Variants in PEX5L observed in about 807,000 individuals in gnomAD.
PEX5L encodes the protein peroxisomal biogenesis factor 5 like, also known as PEX5-related protein.
In PEX5L, 30 loss-of-function variants were observed where a neutral mutation model predicts 84.0. That is an observed-to-expected ratio of 0.36 (90% CI 0.27 to 0.48). The LOEUF (loss-of-function observed/expected upper bound fraction) is 0.48, where lower values mean the gene tolerates loss of function less well. Among genes scored for constraint, PEX5L ranks in the 20% least tolerant of loss-of-function variants. PEX5L has a pLI of 0.99. For synonymous variants in PEX5L, 270 were observed against 283.1 expected, an observed-to-expected ratio of 0.95 and a Z score of 0.46; for missense variants, 533 against 754.6, an observed-to-expected ratio of 0.71 and a Z score of 3.44.
At chr3:179,984,057 T>A (rs1437763870) in intron 1 of PEX5L, among the ~76,000 whole-genome samples, 1 of 152,042 alleles carries the variant, frequency 6.6e-6, no homozygotes, top group Non-Finnish European at 1.5e-5. Context: ...GTACCAAATT[T>A]ATTAATATGA....
rs995272835 is a variant in PEX5L, at chr3:179,871,499, T to C, written c.726+2828A>G. On this transcript the variant is annotated intron_variant, in intron 7 of 14. Transcript: ENST00000467460. ...GATTAAAAGACAAAATATTTATTTATGCTTCTAACAGTATATTGTTAAATC... is the reference window on the plus strand; with the variant it reads ...GATTAAAAGACAAAATATTTATTTACGCTTCTAACAGTATATTGTTAAATC... Among the ~76,000 whole-genome samples the C allele has an allele frequency of 2.6e-5, 4 of 152,362 alleles. No homozygotes were observed. In the East Asian group the frequency reaches 7.7e-4, roughly 29 times the overall value.
chr3:179,938,512 G>A (rs1245641428), intron 2 of PEX5L, among the ~76,000 whole-genome samples: 1 of 152,190 alleles, frequency 6.6e-6, no homozygotes, highest in Non-Finnish European at 1.5e-5. Context: ...GTGTGCAAGG[G>A]AAATAGCGTG....
At chr3:179,934,907 T>C (rs1289353270) in intron 2 of PEX5L, among the ~76,000 whole-genome samples, 1 of 152,218 alleles carries the variant, frequency 6.6e-6, no homozygotes, top group Admixed American at 6.5e-5. Context: ...ACTGTGTTTA[T>C]GTGCCTTCCT....
chr3:179,954,785 A>AT lies in PEX5L; in HGVS notation c.93+16808dup, dbSNP rs71182527. Among the ~76,000 whole-genome samples the AT allele has an allele frequency of 9.9e-4, 147 of 149,060 alleles. 1 individual carries two copies. Among genetic ancestry groups the AT allele is most frequent in the African/African-American group, 3.0e-3 (123 of 40,528 alleles). On this transcript the variant is annotated intron_variant, in intron 2 of 14. Transcript: ENST00000467460. ...TCTCAGCCCTTCTAAGCTTTGTTTT[A>AT]TTTTTTTTTTATTTTCATCATTCTG... is the stretch of plus-strand genomic sequence containing the variant.
chr3:179,962,752 T>C (rs1159524724), intron 2 of PEX5L, among the ~76,000 whole-genome samples: 1 of 152,194 alleles, frequency 6.6e-6, no homozygotes, highest in African/African-American at 2.4e-5. Context: ...TCTTTTCAAT[T>C]TCTCTACCAA....
chr3:180,004,953 T>G (rs551539237), intron 1 of PEX5L, among the ~76,000 whole-genome samples: 111 of 152,278 alleles, frequency 7.3e-4, no homozygotes, highest in Non-Finnish European at 1.2e-3. Flanking sequence ...TTTTTGTAAA[T>G]GTGGTGTCTA....
intron 1 of PEX5L, chr3:179,973,464 C>T (rs1262898859): frequency 9.0e-7 from 1 of 1,114,022 alleles, no homozygotes; most frequent in African/African-American, 1.6e-5. Flanking sequence ...AATTTTTATC[C>T]ATGCACTTCT....
rs533971002 is a variant in PEX5L, at chr3:179,855,856, G to C, written c.822+3206C>G. 2.6e-5 allele frequency among the ~76,000 whole-genome samples: 4 copies of C among 152,242 alleles called. No homozygotes were observed. The South Asian group carries it at 8.3e-4, about 32-fold the overall frequency. On this transcript the variant is annotated intron_variant, in intron 8 of 14. Transcript: ENST00000467460. The stretch of plus-strand genomic sequence containing the variant: ...CCAAATCTGTTGGCAACTTGATCTT[G>C]AGCTTTTCAGCCTCCAGAACTGTGA...
chr3:179,935,769 C>T (rs1774404591), intron 2 of PEX5L, among the ~76,000 whole-genome samples: 1 of 151,968 alleles, frequency 6.6e-6, no homozygotes, highest in Non-Finnish European at 1.5e-5. Flanking sequence ...TGGGAGGCAT[C>T]TGGACCATGG....
At position 179,956,096 on chromosome 3, in the gene PEX5L, C is replaced by T. The variant is rs73883427; in HGVS notation, c.93+15498G>A. Among the ~76,000 whole-genome samples, 863 of 152,172 alleles carry T rather than the reference C, an allele frequency of 5.7e-3. 6 individuals carry two copies. Among genetic ancestry groups the T allele is most frequent in the African/African-American group, 0.02 (826 of 41,520 alleles). Reference sequence around the variant, plus strand: ...TTTATAGTTTTCCTTAAGAAATTCTCCCAGAATTCTTGGGAGATAGAAGTA... The same window carrying T: ...TTTATAGTTTTCCTTAAGAAATTCTTCCAGAATTCTTGGGAGATAGAAGTA... On this transcript the variant is annotated intron_variant, in intron 2 of 14. Coordinates refer to ENST00000467460, the MANE Select transcript of PEX5L (RefSeq NM_016559.3).
chr3:180,002,306 C>T (rs1462711713), intron 1 of PEX5L, among the ~76,000 whole-genome samples: 2 of 152,024 alleles, frequency 1.3e-5, no homozygotes, highest in Admixed American at 6.6e-5. Flanking sequence ...AATTGTTTTA[C>T]GATGTTGCCA....
At chr3:179,986,534 C>G (rs1392194668) in intron 1 of PEX5L, among the ~76,000 whole-genome samples, 2 of 151,644 alleles carry the variant, frequency 1.3e-5, no homozygotes, top group Middle Eastern at 6.3e-3. Flanking sequence ...TCCCGAGTAG[C>G]TGGGACTACA....
chr3:179,902,580 C>A, intron 2 of PEX5L: 1 of 406,004 alleles, frequency 2.5e-6, no homozygotes, highest in South Asian at 1.8e-5. Flanking sequence ...TTCTGTAGAT[C>A]TTAGTAGGTT....
At chr3:179,817,951 G>A (rs1271722992) in intron 9 of PEX5L, among the ~76,000 whole-genome samples, 2 of 152,206 alleles carry the variant, frequency 1.3e-5, no homozygotes, top group Non-Finnish European at 2.9e-5. Flanking sequence ...ACTTAGCTAT[G>A]ATTTCCTTGT....
intron 2 of PEX5L, among the ~76,000 whole-genome samples, chr3:179,938,420 T>C (rs1481594472): frequency 6.6e-6 from 1 of 152,226 alleles, no homozygotes; most frequent in East Asian, 1.9e-4. Context: ...ATCTGGTTAC[T>C]CTGGAGATTT....
At chr3:180,007,168 G>A (rs1182526335) in intron 1 of PEX5L, among the ~76,000 whole-genome samples, 1 of 152,172 alleles carries the variant, frequency 6.6e-6, no homozygotes, top group African/African-American at 2.4e-5. Context: ...AAATACAGCT[G>A]TTCCAAATGG....
chr3:179,949,800 A>G (rs1469420734), intron 2 of PEX5L, among the ~76,000 whole-genome samples: 1 of 152,228 alleles, frequency 6.6e-6, no homozygotes, highest in Non-Finnish European at 1.5e-5. Context: ...ACAGGCATTT[A>G]TTAAAAACCT....
chr3:179,862,422 G>A (rs757742366), intron 7 of PEX5L, among the ~76,000 whole-genome samples: 19 of 152,180 alleles, frequency 1.2e-4, no homozygotes, highest in African/African-American at 3.4e-4. Flanking sequence ...GGATTAAGTC[G>A]TTAGGATGCT....
At position 179,887,710 on chromosome 3, in the gene PEX5L, C is replaced by T. The variant is rs1344594831; in HGVS notation, c.273G>A (p.Ser91=). 16 of 1,613,700 alleles carry T rather than the reference C, an allele frequency of 9.9e-6. No homozygotes were observed. The highest frequency in any genetic ancestry group is 2.2e-5 in the East Asian group (1 of 44,868). ...SIDDFLCETK[S]EAIARPVTSN... is the part of the protein sequence containing the mutation. ...ATGTTACTGGCCTTGCTATTGCTTCCGATTTGGTTTCACAGAGAAAGTCAT... is the reference window on the plus strand; with the variant it reads ...ATGTTACTGGCCTTGCTATTGCTTCTGATTTGGTTTCACAGAGAAAGTCAT... The change falls in exon 4 of 15, where the codon TCG becomes TCA. Residue 91 remains serine (S), a synonymous_variant. Coordinates refer to ENST00000467460, the MANE Select transcript of PEX5L (RefSeq NM_016559.3).
Sources: allele counts gnomAD v4.1 joint callset (sites outside exome capture counted in the v4.1 genomes callset), GRCh38; gene constraint gnomAD v4.1.1; transcripts MANE v1.5; gene names NCBI Gene and HGNC (gene_info 2026-07-23, HGNC 2026-07-21).